The following POLA1 variants were observed in gnomAD, a reference collection of about 807,000 sequenced individuals.
POLA1 encodes DNA polymerase alpha 1, catalytic subunit.
Under a neutral mutation model 124.0 loss-of-function variants are expected in POLA1, and 15 were observed. That is an observed-to-expected ratio of 0.12 (90% CI 0.08 to 0.19). The LOEUF (loss-of-function observed/expected upper bound fraction) is 0.19, where lower values mean the gene tolerates loss of function less well. Among genes scored for constraint, POLA1 ranks in the 10% least tolerant of loss-of-function variants. The pLI, the probability that POLA1 is intolerant of heterozygous loss-of-function variation, is 1.00. For missense variants in POLA1, 886 were observed against 1,103.4 expected, an observed-to-expected ratio of 0.80 and a Z score of 2.79; for synonymous variants, 408 against 389.4, an observed-to-expected ratio of 1.05 and a Z score of -0.56.
At chrX:24,750,832 A>G (rs1216882826) in intron 26 of POLA1, among the ~76,000 whole-genome samples, 1 of 111,456 alleles carries the variant, frequency 9.0e-6, no homozygotes, top group Non-Finnish European at 1.9e-5. Context: ...TCGACCTCTT[A>G]TTACAGGAAG....
chrX:24,992,286 G>A (rs968267077), intron 36 of POLA1, among the ~76,000 whole-genome samples: 1 of 111,707 alleles, frequency 9.0e-6, no homozygotes, highest in Non-Finnish European at 1.9e-5. Context: ...CAAAGCTCAC[G>A]TTGCATTGAG....
At chrX:24,906,235 C>A (rs1809674027) in intron 35 of POLA1, among the ~76,000 whole-genome samples, 2 of 111,703 alleles carry the variant, frequency 1.8e-5, no homozygotes. Flanking sequence ...TTTGCAATTG[C>A]AAAAATATGA....
intron 35 of POLA1, among the ~76,000 whole-genome samples, chrX:24,901,353 A>G (rs2047275312): frequency 9.0e-6 from 1 of 111,346 alleles, no homozygotes; most frequent in Admixed American, 9.6e-5. Context: ...GGGATCTGGA[A>G]CAGCTAGTAT....
rs376852543 is a variant in POLA1 at position 24,723,207 on chromosome X, G to T, written c.1140G>T (p.Val380=). 2 of 1,207,176 alleles carry T rather than the reference G, an allele frequency of 1.7e-6. No homozygotes were observed. The highest frequency in any genetic ancestry group is 3.5e-5 in the African/African-American group (2 of 57,255). ...GGATTGAATCAGCCGAGACCCATGT[G>T]AGCTGTTGTGTCATGGTGAAAAATA... ...KVWIESAETH[V]SCCVMVKNIE... Residue 380 remains valine (V), a synonymous_variant, in exon 11 of 37, where the codon GTG becomes GTT. Transcript: ENST00000379068.
intron 34 of POLA1, among the ~76,000 whole-genome samples, chrX:24,865,495 T>C (rs1024450825): frequency 1.8e-5 from 2 of 112,292 alleles, no homozygotes; most frequent in Admixed American, 9.5e-5. Flanking sequence ...TTTTCTCACT[T>C]AGTATTTGTA....
intron 32 of POLA1, among the ~76,000 whole-genome samples, chrX:24,831,366 T>C (rs2046258292): frequency 8.9e-6 from 1 of 112,315 alleles, no homozygotes; most frequent in African/African-American, 3.2e-5. Context: ...TAAGCTCTTA[T>C]AAAAATAAAA....
intron 36 of POLA1, among the ~76,000 whole-genome samples, chrX:24,943,902 C>T (rs190942403): frequency 1.8e-5 from 2 of 111,563 alleles, no homozygotes; most frequent in African/African-American, 3.3e-5. Context: ...CATGGACTAA[C>T]GGGAAATACC....
rs867870280 is a variant in POLA1, at chrX:24,709,233, G to A, written c.346+4764G>A. 5.4e-3 allele frequency among the ~76,000 whole-genome samples: 494 copies of A among 91,448 alleles called. 2 individuals carry two copies. Among genetic ancestry groups the A allele is most frequent in the African/African-American group, 0.024 (458 of 19,371 alleles). The allele number at this position is 91,448 out of a possible 115,157, so 79.4% of individuals were successfully genotyped here. ...TCCCTCCCGGACAGGGCGGCTGGCC[G>A]GGCGGGGGGCTGACCCCCCCACCTC... On this transcript the variant is annotated intron_variant, in intron 4 of 36. Coordinates refer to ENST00000379068, the MANE Select transcript of POLA1 (RefSeq NM_001330360.2).
chrX:24,935,338 A>C (rs1020914498), intron 36 of POLA1, among the ~76,000 whole-genome samples: 1 of 112,779 alleles, frequency 8.9e-6, no homozygotes, highest in Non-Finnish European at 1.9e-5. Context: ...GAATTGGAAC[A>C]CTAGGATGTA....
intron 35 of POLA1, among the ~76,000 whole-genome samples, chrX:24,901,953 A>G (rs2047285539): frequency 9.0e-6 from 1 of 111,550 alleles, no homozygotes; most frequent in Non-Finnish European, 1.9e-5. Flanking sequence ...AGTCTAGCCA[A>G]TGAGGCAAAA....
rs762711598 is a variant in POLA1, at chrX:24,864,891, A to G, written c.4047+21214A>G. On this transcript the variant is annotated intron_variant, in intron 34 of 36. Transcript: ENST00000379068. ...AGAACAGGGGAAAGAAGAAAGACTA[A>G]TATTTTTTTAGCTGCCAAACACTTG... is the stretch of plus-strand genomic sequence containing the variant. Among the ~76,000 whole-genome samples, 3 of 112,020 alleles carry G rather than the reference A, an allele frequency of 2.7e-5. No individual in the cohort carries two copies. The East Asian group carries it at 8.4e-4, about 31-fold the overall frequency.
chrX:24,881,081 C>T (rs923945445), intron 34 of POLA1, among the ~76,000 whole-genome samples: 1 of 111,616 alleles, frequency 9.0e-6, no homozygotes, highest in African/African-American at 3.3e-5. Flanking sequence ...CCTGTTTTGC[C>T]GTCTATATCT....
chrX:24,764,387 C>T (rs745555423), intron 26 of POLA1, among the ~76,000 whole-genome samples: 1 of 111,943 alleles, frequency 8.9e-6, no homozygotes, highest in South Asian at 3.7e-4. Context: ...TGCCATTTCT[C>T]CTGCTTTTAG....
At chrX:24,942,736 G>A (rs1335392907) in intron 36 of POLA1, among the ~76,000 whole-genome samples, 1 of 112,073 alleles carries the variant, frequency 8.9e-6, no homozygotes, top group African/African-American at 3.2e-5. Flanking sequence ...TGTCACCTAG[G>A]CTGGAGTTCA....
intron 26 of POLA1, among the ~76,000 whole-genome samples, chrX:24,779,321 C>A (rs957289849): frequency 8.9e-6 from 1 of 112,107 alleles, no homozygotes; most frequent in Non-Finnish European, 1.9e-5. Flanking sequence ...TTGTGATCCA[C>A]CTGCCTCAGC....
At chrX:24,783,438 G>A (rs1291901354) in intron 26 of POLA1, among the ~76,000 whole-genome samples, 2 of 111,734 alleles carry the variant, frequency 1.8e-5, no homozygotes, top group Non-Finnish European at 3.8e-5. Flanking sequence ...AGGTATGCTG[G>A]TAACCATTTC....
chrX:24,803,863 T>C (rs2045756416), intron 26 of POLA1, among the ~76,000 whole-genome samples: 1 of 95,076 alleles, frequency 1.1e-5, no homozygotes, highest in Non-Finnish European at 2.0e-5. Flanking sequence ...GGAAACCAAC[T>C]TGGTCCCAAA....
chrX:24,870,354 C>T (rs772684080), intron 34 of POLA1, among the ~76,000 whole-genome samples: 4 of 112,062 alleles, frequency 3.6e-5, no homozygotes, highest in African/African-American at 1.3e-4. Flanking sequence ...TATCTTAGTC[C>T]TTCACTCATC....
chrX:24,907,458 C>T (rs1236684764), intron 35 of POLA1, among the ~76,000 whole-genome samples: 1 of 110,752 alleles, frequency 9.0e-6, no homozygotes, highest in Admixed American at 9.6e-5. Context: ...CCAGGTAAAG[C>T]ATAATAAAAT....
Sources: allele counts gnomAD v4.1 joint callset (sites outside exome capture counted in the v4.1 genomes callset), GRCh38; gene constraint gnomAD v4.1.1; transcripts MANE v1.5; gene names NCBI Gene and HGNC (gene_info 2026-07-23, HGNC 2026-07-21).